DAGLB: variants seen among roughly 807,000 people sequenced by gnomAD.
DAGLB encodes the protein diacylglycerol lipase-beta.
DAGLB carries 66 observed loss-of-function variants against 72.1 expected under a neutral mutation model. The ratio of observed to expected loss-of-function variants is 0.92; its 90% CI spans 0.75 to 1.12. The LOEUF is 1.12. Among genes scored for constraint, DAGLB ranks in the 50% most tolerant of loss-of-function variants. The probability of loss-of-function intolerance (pLI) is 0.00; values close to 1 mark genes in which losing one functional copy is unlikely to be tolerated. For synonymous variants in DAGLB, 414 were observed against 359.5 expected, an observed-to-expected ratio of 1.15 and a Z score of -1.71; for missense variants, 1,065 against 884.9, an observed-to-expected ratio of 1.20 and a Z score of -2.58.
At chr7:6,424,161 C>T (rs996546304) in intron 8 of DAGLB, among the ~76,000 whole-genome samples, 4 of 152,142 alleles carry the variant, frequency 2.6e-5, no homozygotes, top group South Asian at 2.1e-4. Flanking sequence ...AGGAGGAAAC[C>T]GGAATGGAGA....
chr7:6,437,364 A>T (rs1784699030), intron 2 of DAGLB, among the ~76,000 whole-genome samples: 1 of 152,022 alleles, frequency 6.6e-6, no homozygotes, highest in Non-Finnish European at 1.5e-5. Context: ...TGTAATCCCC[A>T]CAATGACTGG....
intron 1 of DAGLB, 58 bp downstream of exon 1, chr7:6,447,690 G>A (rs1312405033): frequency 4.5e-6 from 7 of 1,565,652 alleles, no homozygotes; most frequent in Admixed American, 2.0e-5. Flanking sequence ...TCAAGGGACA[G>A]CTCGCCCCCC....
At chr7:6,423,084 T>A (rs55844112) in intron 8 of DAGLB, among the ~76,000 whole-genome samples, 8,312 of 152,106 alleles carry the variant, frequency 0.055, 626 homozygotes, top group African/African-American at 0.17. Flanking sequence ...AGATCCTGTC[T>A]CTACAAAAAT....
At chr7:6,441,671 C>T (rs367558870) in intron 2 of DAGLB, among the ~76,000 whole-genome samples, 51 of 152,214 alleles carry the variant, frequency 3.4e-4, no homozygotes, top group East Asian at 1.2e-3. Flanking sequence ...CCCGCCTCAG[C>T]CTCCCAGAGT....
Position 6,430,449 on chromosome 7 carries a change from G to A in DAGLB, c.929+31C>T, listed in dbSNP as rs771683450. The A allele has an allele frequency of 1.3e-5, 19 of 1,435,160 alleles. No homozygotes were observed. In the East Asian group the frequency reaches 4.4e-4, roughly 33 times the overall value. 88.9% of individuals were successfully genotyped at this position (1,435,160 alleles called of 1,614,324 possible). A position where few individuals can be genotyped will look rare whatever the true frequency, so the allele number is the denominator to read the frequency against. On this transcript the variant is annotated intron_variant, in intron 6 of 14. Coordinates refer to ENST00000297056, the MANE Select transcript of DAGLB (RefSeq NM_139179.4). ...TAGCTTTTTTTTTTAAGGGAAATAT[G>A]GCTATGGAGGCTCAGACTGTGCCAA...
At chr7:6,413,360 G>C (rs549848485) in intron 11 of DAGLB, among the ~76,000 whole-genome samples, 1 of 152,256 alleles carries the variant, frequency 6.6e-6, no homozygotes, top group East Asian at 1.9e-4. Context: ...GCCGGGTGCA[G>C]TGGCTCACGC....
In DAGLB at chr7:6,424,727, C is replaced by G. The variant is rs912389478; in HGVS notation, c.1140+25G>C. 4.3e-6 allele frequency: 7 copies of G among 1,612,178 alleles called. No individual in the cohort carries two copies. In the African/African-American group the frequency reaches 9.3e-5, roughly 22 times the overall value. ...CCCGCTCCCGCACCCACTCCCAGGG[C>G]TGGAAAGTCAGGTTCCAACGTTACC... On this transcript the variant is annotated intron_variant, in intron 8 of 14. Coordinates refer to ENST00000297056, the MANE Select transcript of DAGLB (RefSeq NM_139179.4).
At chr7:6,414,709 C>G (rs892176514) in intron 11 of DAGLB, among the ~76,000 whole-genome samples, 1 of 152,096 alleles carries the variant, frequency 6.6e-6, no homozygotes, top group African/African-American at 2.4e-5. Flanking sequence ...ATGACCAGCC[C>G]TGTGGTAATG....
chr7:6,433,134 T>G (rs1784543164), intron 4 of DAGLB, among the ~76,000 whole-genome samples, 175 bp from the exon 5 acceptor site: 1 of 152,226 alleles, frequency 6.6e-6, no homozygotes, highest in African/African-American at 2.4e-5. Flanking sequence ...GTGACCTGAA[T>G]ATGTTTTCAC....
Position 6,409,730 on chromosome 7 carries a change from G to T in DAGLB, c.*107C>A. 1 of 1,264,298 alleles carries T rather than the reference G, an allele frequency of 7.9e-7. No individual in the cohort carries two copies. 78.3% of individuals were successfully genotyped at this position (1,264,298 alleles called of 1,614,324 possible). Reference sequence around the variant, plus strand: ...ATTCTGTTCCCATCCGATTCCTGTTGATGGACATTCGCTGTTTTGGCGTCA... The same window carrying T: ...ATTCTGTTCCCATCCGATTCCTGTTTATGGACATTCGCTGTTTTGGCGTCA... On this transcript the variant is annotated 3_prime_UTR_variant, in exon 15 of 15. Coordinates refer to ENST00000297056, the MANE Select transcript of DAGLB (RefSeq NM_139179.4).
chr7:6,415,462 A>G (rs1783876641), intron 11 of DAGLB, among the ~76,000 whole-genome samples: 1 of 151,386 alleles, frequency 6.6e-6, no homozygotes, highest in East Asian at 2.0e-4. Flanking sequence ...CATTTTAATG[A>G]AATAAAGTGG....
In DAGLB at chr7:6,424,793, C is replaced by G; in HGVS notation, c.1099G>C (p.Glu367Gln). The change falls in exon 8 of 15, where the codon GAG becomes CAG. Residue 367 changes from glutamate (E) to glutamine (Q), a missense_variant. Glu to Gln is a conservative substitution (Grantham distance 29). Coordinates refer to ENST00000297056, the MANE Select transcript of DAGLB (RefSeq NM_139179.4). ...PFLVALDHRK[E>Q]SVVVAVRGTM... is the part of the protein sequence containing the mutation. ...CCCCTCACAGCGACCACAACAGACT[C>G]TTTCCTGTGATCCAGAGCCACTAAA... 1.2e-6 allele frequency: 2 copies of G among 1,613,974 alleles called. No individual in the cohort carries two copies. Among genetic ancestry groups the G allele is most frequent in the Non-Finnish European group, 1.7e-6 (2 of 1,179,912 alleles).
At position 6,434,867 on chromosome 7, in the gene DAGLB, G is replaced by A. The variant is rs201638323; in HGVS notation, c.573C>T (p.Ser191=). 1.9e-3 allele frequency: 3,001 copies of A among 1,614,166 alleles called. 74 individuals are homozygous for A. The South Asian group carries it at 0.031, about 17-fold the overall frequency. The change falls in exon 4 of 15, where the codon AGC becomes AGT. Residue 191 remains serine, a synonymous_variant. Transcript: ENST00000297056. ...AGAGCTTGATTCTGGTTTCCCACAC[G>A]CTTGTAGCTGCTGTCTTGAGGCCAT... ...LLNGLKTAAT[S]VWETRIKLLC...
At chr7:6,440,068 G>GAA (rs1275788600) in intron 2 of DAGLB, among the ~76,000 whole-genome samples, 1 of 44,212 alleles carries the variant, frequency 2.3e-5, no homozygotes. Context: ...AAAAAAAAAA[G>GAA]AAAGAAAAAG....
chr7:6,434,995 C>T lies in DAGLB; in HGVS notation c.445G>A (p.Val149Ile). ...GGGTCAAAGACAATGATAATGGAAA[C>T]CACTGTGGCAGCGATGATGATCCAA... ...VSWIIIAATVVSIIIVFDPLG... is the reference protein window; with the variant it reads ...VSWIIIAATVISIIIVFDPLG... The change falls in exon 4 of 15, where the codon GTT becomes ATT. Residue 149 changes from valine to isoleucine, a missense_variant. Transcript: ENST00000297056. 1 of 1,613,812 alleles carries T rather than the reference C, an allele frequency of 6.2e-7. No homozygotes were observed. Among genetic ancestry groups the T allele is most frequent in the Non-Finnish European group, 8.5e-7 (1 of 1,180,010 alleles).
At chr7:6,425,900 G>A (rs568974887) in intron 7 of DAGLB, 88 bp downstream of exon 7, 61 of 1,571,440 alleles carry the variant, frequency 3.9e-5, no homozygotes, top group Middle Eastern at 1.8e-4. Context: ...TATGAATTAC[G>A]GGAAGAATAA....
At chr7:6,431,097 C>T (rs1213482883) in intron 5 of DAGLB, among the ~76,000 whole-genome samples, 1 of 151,806 alleles carries the variant, frequency 6.6e-6, no homozygotes, top group Non-Finnish European at 1.5e-5. Flanking sequence ...TTTATAGGAA[C>T]ACAGCAAGCA....
intron 6 of DAGLB, 48 bp downstream of exon 6, chr7:6,430,432 T>C: frequency 7.1e-7 from 1 of 1,417,540 alleles, no homozygotes; most frequent in South Asian, 1.8e-5. Context: ...AATAGCTTTT[T>C]TTTTTAAGGG....
rs748429994 is a variant in DAGLB, at chr7:6,409,944, C to T, written c.1912G>A (p.Asp638Asn). The change falls in exon 15 of 15, where the codon GAC becomes AAC. Residue 638 changes from aspartate (D) to asparagine (N), a missense_variant. By Grantham distance (23) the Asp-to-Asn change is conservative. Coordinates refer to ENST00000297056, the MANE Select transcript of DAGLB (RefSeq NM_139179.4). ...KILIGPKMLT[D>N]HMPDILMRAL... Reference sequence around the variant, plus strand: ...CGCATCAGGATGTCTGGCATGTGGTCGGTGAGCATCTTCGGACCTATGAGT... The same window carrying T: ...CGCATCAGGATGTCTGGCATGTGGTTGGTGAGCATCTTCGGACCTATGAGT... 4.3e-6 allele frequency: 7 copies of T among 1,614,002 alleles called. No homozygotes were observed. The highest frequency in any genetic ancestry group is 2.2e-5 in the East Asian group (1 of 44,894).
Sources: allele counts gnomAD v4.1 joint callset (sites outside exome capture counted in the v4.1 genomes callset), GRCh38; gene constraint gnomAD v4.1.1; transcripts MANE v1.5; gene names NCBI Gene and HGNC (gene_info 2026-07-23, HGNC 2026-07-21).